The following BMPR1B variants were observed in gnomAD, a reference collection of about 807,000 sequenced individuals.
The protein encoded by BMPR1B is bone morphogenetic protein receptor type-1B.
Under a neutral mutation model 59.1 loss-of-function variants are expected in BMPR1B, and 12 were observed. The observed-to-expected ratio is 0.20, with a 90% CI of 0.13 to 0.33. The LOEUF (loss-of-function observed/expected upper bound fraction) is 0.33, where lower values mean the gene tolerates loss of function less well. BMPR1B is among the 10% of genes least tolerant of loss of function. The probability of loss-of-function intolerance (pLI) is 1.00; values close to 1 mark genes in which losing one functional copy is unlikely to be tolerated. For missense variants in BMPR1B, 550 were observed against 610.9 expected (o/e 0.90, Z 1.05); for synonymous variants, 237 against 207.3 (o/e 1.14, Z -1.23).
chr4:95,135,546 G>A (rs1165483759), intron 10 of BMPR1B, among the ~76,000 whole-genome samples: 2 of 152,098 alleles, frequency 1.3e-5, no homozygotes, highest in African/African-American at 2.4e-5. Context: ...ATTGAGCAGT[G>A]GTTTGTAGTT....
rs116445266 is a variant in BMPR1B at position 95,007,798 on chromosome 4, T to G, written c.-18+11664T>G. Among the ~76,000 whole-genome samples, 310 of 152,318 alleles carry G rather than the reference T, an allele frequency of 2.0e-3. 1 individual carries two copies. The highest frequency in any genetic ancestry group is 7.1e-3 in the African/African-American group (294 of 41,562). ...GAATAGTTCTAAAGCTTGGTTATCT[T>G]AATTGCAATATATGAAAATATAAAG... On this transcript the variant is annotated intron_variant, in intron 3 of 12. Coordinates refer to ENST00000515059, the MANE Select transcript of BMPR1B (RefSeq NM_001203.3).
At chr4:94,993,081 A>C (rs1438187793) in intron 2 of BMPR1B, among the ~76,000 whole-genome samples, 1 of 151,960 alleles carries the variant, frequency 6.6e-6, no homozygotes, top group Admixed American at 6.6e-5. Flanking sequence ...TGTAGAGACA[A>C]GGTCTTGCTA....
chr4:95,021,927 G>C (rs1724017739), intron 3 of BMPR1B, among the ~76,000 whole-genome samples: 1 of 152,168 alleles, frequency 6.6e-6, no homozygotes, highest in South Asian at 2.1e-4. Flanking sequence ...CGTGAGCAGT[G>C]GGAAAGGTTT....
chr4:94,759,111 G>A (rs997170889), intron 1 of BMPR1B, among the ~76,000 whole-genome samples: 3 of 152,190 alleles, frequency 2.0e-5, no homozygotes, highest in African/African-American at 7.2e-5. Context: ...CTTCTTTAGA[G>A]CTGCACCCCT....
At chr4:95,114,008 C>G (rs771548408) in intron 4 of BMPR1B, among the ~76,000 whole-genome samples, 12 of 151,836 alleles carry the variant, frequency 7.9e-5, no homozygotes, top group Non-Finnish European at 1.6e-4. Flanking sequence ...TATCAAGAAC[C>G]CTTCTTTCTG....
At chr4:94,927,851 T>C (rs1728948829) in intron 2 of BMPR1B, among the ~76,000 whole-genome samples, 1 of 152,114 alleles carries the variant, frequency 6.6e-6, no homozygotes, top group Non-Finnish European at 1.5e-5. Context: ...AAGGGCCTAA[T>C]TGCATTGTGG....
rs576430197 is a variant in BMPR1B, at chr4:95,101,364, T to C, written c.-17-3044T>C. Among the ~76,000 whole-genome samples, 9 of 152,312 alleles carry C rather than the reference T, an allele frequency of 5.9e-5. No individual in the cohort carries two copies. The South Asian group carries it at 1.9e-3, about 32-fold the overall frequency. Reference sequence around the variant, plus strand: ...AAAGAAGGCATCTCAGTGATATGTGTGTTGCTTTTACCCTTCTAATCTCCT... The same window carrying C: ...AAAGAAGGCATCTCAGTGATATGTGCGTTGCTTTTACCCTTCTAATCTCCT... On this transcript the variant is annotated intron_variant, in intron 3 of 12. Transcript: ENST00000515059.
At chr4:94,898,328 T>C (rs2148997007) in intron 2 of BMPR1B, among the ~76,000 whole-genome samples, 1 of 152,186 alleles carries the variant, frequency 6.6e-6, no homozygotes, top group Non-Finnish European at 1.5e-5. Context: ...TTCTTGGCTC[T>C]GACACTTTGA....
intron 1 of BMPR1B, among the ~76,000 whole-genome samples, chr4:94,763,582 A>T (rs908087080): frequency 2.6e-5 from 4 of 152,234 alleles, no homozygotes; most frequent in African/African-American, 7.2e-5. Context: ...AAAAGATACA[A>T]TCCAGTATAT....
chr4:95,124,140 T>G (rs550399816), intron 7 of BMPR1B, among the ~76,000 whole-genome samples: 1 of 152,182 alleles, frequency 6.6e-6, no homozygotes, highest in East Asian at 1.9e-4. Context: ...AAATATTTTA[T>G]CCCTAGGGAA....
intron 10 of BMPR1B, among the ~76,000 whole-genome samples, chr4:95,140,499 G>C (rs1734150572): frequency 6.6e-6 from 1 of 152,008 alleles, no homozygotes; most frequent in Admixed American, 6.6e-5. Context: ...CCCTAGCTTG[G>C]AAAGTCCCTG....
At chr4:94,850,419 T>G (rs1245635249) in intron 1 of BMPR1B, among the ~76,000 whole-genome samples, 2 of 152,216 alleles carry the variant, frequency 1.3e-5, no homozygotes, top group Non-Finnish European at 2.9e-5. Flanking sequence ...CGTGACTGCC[T>G]TATTTTCAAA....
chr4:95,053,252 C>G (rs142463355), intron 3 of BMPR1B, among the ~76,000 whole-genome samples: 3 of 145,906 alleles, frequency 2.1e-5, no homozygotes, highest in Non-Finnish European at 3.0e-5. Context: ...TGTAGGGAAC[C>G]TTTTTAAAAA....
intron 3 of BMPR1B, among the ~76,000 whole-genome samples, chr4:95,022,671 G>T (rs1398487416): frequency 1.3e-5 from 2 of 151,872 alleles, no homozygotes; most frequent in African/African-American, 4.8e-5. Context: ...ATTATGTTTA[G>T]AAGTGTGTGT....
chr4:94,880,374 G>C (rs1726909448), intron 2 of BMPR1B, among the ~76,000 whole-genome samples: 1 of 151,922 alleles, frequency 6.6e-6, no homozygotes, highest in Non-Finnish European at 1.5e-5. Context: ...GCCAAGGCTG[G>C]AGTACAATGG....
chr4:94,972,905 G>A (rs1730870954), intron 2 of BMPR1B, among the ~76,000 whole-genome samples: 1 of 152,160 alleles, frequency 6.6e-6, no homozygotes, highest in Admixed American at 6.5e-5. Flanking sequence ...GCCTGCCCCT[G>A]TCTACCCCTT....
At chr4:95,116,876 AT>A (rs563230785) in intron 6 of BMPR1B, among the ~76,000 whole-genome samples, 23 of 151,438 alleles carry the variant, frequency 1.5e-4, no homozygotes, top group African/African-American at 2.9e-4. Flanking sequence ...CCTCACCAGC[AT>A]TTTTTTTTAA....
At position 94,909,539 on chromosome 4, in the gene BMPR1B, G is replaced by A. The variant is rs375282500; in HGVS notation, c.-113+33639G>A. On this transcript the variant is annotated intron_variant, in intron 2 of 12. Coordinates refer to ENST00000515059, the MANE Select transcript of BMPR1B (RefSeq NM_001203.3). ...TGAAAAGATTCCAAATATGTAAAGT[G>A]CATAGAACAATCCCCAGCAAAAAGT... is the stretch of plus-strand genomic sequence containing the variant. 1.9e-4 allele frequency among the ~76,000 whole-genome samples: 29 copies of A among 152,118 alleles called. No individual in the cohort carries two copies. In the South Asian group the frequency reaches 4.4e-3, roughly 23 times the overall value.
intron 1 of BMPR1B, among the ~76,000 whole-genome samples, chr4:94,834,602 T>C (rs945488250): frequency 3.9e-5 from 6 of 152,088 alleles, no homozygotes; most frequent in African/African-American, 1.4e-4. Context: ...ATTAAACCCA[T>C]TCAAAGACAT....
Sources: allele counts gnomAD v4.1 joint callset (sites outside exome capture counted in the v4.1 genomes callset), GRCh38; gene constraint gnomAD v4.1.1; transcripts MANE v1.5; gene names NCBI Gene and HGNC (gene_info 2026-07-23, HGNC 2026-07-21).